The following ANKRD12 variants were observed in gnomAD, a reference collection of about 807,000 sequenced individuals.
The protein encoded by ANKRD12 is ankyrin repeat domain 12, also known as ankyrin repeat domain-containing protein 12.
ANKRD12 carries 85 observed loss-of-function variants against 183.4 expected under a neutral mutation model. The observed-to-expected ratio is 0.46, with a 90% CI of 0.39 to 0.56. The LOEUF (loss-of-function observed/expected upper bound fraction) is 0.56, where lower values mean the gene tolerates loss of function less well. Ranked by LOEUF, ANKRD12 falls within the 20% of genes least tolerant of loss-of-function variation. The pLI is 0.00. For missense variants in ANKRD12, 2,405 were observed against 2,357.1 expected, an observed-to-expected ratio of 1.02 and a Z score of -0.42; for synonymous variants, 914 against 800.2, an observed-to-expected ratio of 1.14 and a Z score of -2.40.
intron 8 of ANKRD12, among the ~76,000 whole-genome samples, chr18:9,226,152 G>A (rs867264859): frequency 3.3e-5 from 5 of 152,072 alleles, no homozygotes; most frequent in Admixed American, 6.5e-5. Flanking sequence ...GGCCGGGCAC[G>A]GTGGCTCACG....
At chr18:9,249,991 G>A (rs764357589) in intron 8 of ANKRD12, 1 of 152,148 alleles carries the variant, frequency 6.6e-6, no homozygotes, top group Non-Finnish European at 1.5e-5. Context: ...CTTAGTAGAT[G>A]GCCTTGGAAA....
chr18:9,205,345 C>CT (rs1331242156), intron 4 of ANKRD12, among the ~76,000 whole-genome samples: 2 of 151,702 alleles, frequency 1.3e-5, no homozygotes, highest in African/African-American at 4.8e-5. Flanking sequence ...CCCTGGGTGT[C>CT]TAAGTGTCTA....
At chr18:9,231,177 A>G (rs377554212) in intron 8 of ANKRD12, among the ~76,000 whole-genome samples, 25 of 152,324 alleles carry the variant, frequency 1.6e-4, no homozygotes, top group African/African-American at 5.8e-4. Context: ...GTGGCCTAAC[A>G]TGGTCAGTCA....
intron 8 of ANKRD12, among the ~76,000 whole-genome samples, chr18:9,240,338 A>T (rs980491186): frequency 6.6e-6 from 1 of 152,170 alleles, no homozygotes; most frequent in African/African-American, 2.4e-5. Flanking sequence ...CATTAGTCTA[A>T]GTCCATGTTA....
intron 10 of ANKRD12, among the ~76,000 whole-genome samples, chr18:9,268,868 A>C (rs2145380005): frequency 6.6e-6 from 1 of 152,308 alleles, no homozygotes; most frequent in African/African-American, 2.4e-5. Context: ...TATATCTAGA[A>C]AACCCCATCG....
Position 9,263,828 on chromosome 18 carries a change from G to A in ANKRD12, c.5703G>A (p.Glu1901=). The change falls in exon 10 of 13, where the codon GAG becomes GAA. Residue 1901 remains glutamate (E), a synonymous_variant. Transcript: ENST00000262126. ...PPPSLSDPLK[E]LFRQQEVVRM... is the part of the protein sequence containing the mutation. ...CTTCACTGTCAGATCCACTTAAAGAGCTTTTTCGACAACAGGAAGTTGTAA... is the reference window on the plus strand; with the variant it reads ...CTTCACTGTCAGATCCACTTAAAGAACTTTTTCGACAACAGGAAGTTGTAA... 1 of 1,571,462 alleles carries A rather than the reference G, an allele frequency of 6.4e-7. No homozygotes were observed. The highest frequency in any genetic ancestry group is 1.1e-5 in the South Asian group (1 of 87,440).
At chr18:9,169,768 G>A (rs1424408978) in intron 1 of ANKRD12, among the ~76,000 whole-genome samples, 1 of 152,150 alleles carries the variant, frequency 6.6e-6, no homozygotes, top group African/African-American at 2.4e-5. Flanking sequence ...ATGTTAGCTG[G>A]TTATTTTGCT....
Position 9,205,803 on chromosome 18 carries a change from TC to T in ANKRD12, c.304+1260del, listed in dbSNP as rs747807384. 5.9e-5 allele frequency among the ~76,000 whole-genome samples: 9 copies of T among 152,228 alleles called. No homozygotes were observed. In the East Asian group the frequency reaches 9.6e-4, roughly 16 times the overall value. Reference sequence around the variant, plus strand: ...AACAGGATTGACTTAATTATGTTCATCTATATTTGAGTTGTGATTCCATTGT... The same window carrying T: ...AACAGGATTGACTTAATTATGTTCATTATATTTGAGTTGTGATTCCATTGT... On this transcript the variant is annotated intron_variant, in intron 4 of 12. Coordinates refer to ENST00000262126, the MANE Select transcript of ANKRD12 (RefSeq NM_015208.5).
chr18:9,193,428 G>A (rs1324051108), intron 2 of ANKRD12, among the ~76,000 whole-genome samples: 1 of 152,032 alleles, frequency 6.6e-6, no homozygotes, highest in Non-Finnish European at 1.5e-5. Flanking sequence ...TTACAGGCAT[G>A]AGCCACCATG....
chr18:9,227,805 G>A (rs1452763291), intron 8 of ANKRD12, among the ~76,000 whole-genome samples: 1 of 152,064 alleles, frequency 6.6e-6, no homozygotes, highest in Admixed American at 6.5e-5. Context: ...TTATATGTTG[G>A]TATCATTTCA....
chr18:9,275,910 G>C (rs1438173356), intron 11 of ANKRD12, among the ~76,000 whole-genome samples: 1 of 152,208 alleles, frequency 6.6e-6, no homozygotes, highest in Non-Finnish European at 1.5e-5. Context: ...ATTTAGGATA[G>C]TGCCCTTACA....
At chr18:9,192,971 A>C (rs1040010367) in intron 2 of ANKRD12, among the ~76,000 whole-genome samples, 1 of 151,750 alleles carries the variant, frequency 6.6e-6, no homozygotes, top group Non-Finnish European at 1.5e-5. Flanking sequence ...GATTTTAGCC[A>C]CTGCACCCAG....
Position 9,257,110 on chromosome 18 carries a change from T to G in ANKRD12, c.3843T>G (p.Leu1281=), listed in dbSNP as rs748368837. The change falls in exon 9 of 13, where the codon CTT becomes CTG. Residue 1281 remains leucine (L), a synonymous_variant. Transcript: ENST00000262126. ...TTAAACCACCATATGCAAACAGACT[T>G]TCAACATCCCATCTTAGGTCATCTT... ...ERIKPPYANR[L]STSHLRSSSV... The G allele has an allele frequency of 1.2e-6, 2 of 1,614,116 alleles. No individual in the cohort carries two copies. Among genetic ancestry groups the G allele is most frequent in the South Asian group, 2.2e-5 (2 of 91,084 alleles).
At chr18:9,270,584 G>GCACACC (rs2039545903) in intron 10 of ANKRD12, among the ~76,000 whole-genome samples, 2 of 152,166 alleles carry the variant, frequency 1.3e-5, no homozygotes, top group East Asian at 3.9e-4. Flanking sequence ...ATGGACACAG[G>GCACACC]AAGGGGAATG....
At chr18:9,174,618 T>TC (rs2144051464) in intron 1 of ANKRD12, among the ~76,000 whole-genome samples, 1 of 152,314 alleles carries the variant, frequency 6.6e-6, no homozygotes, top group African/African-American at 2.4e-5. Context: ...TTCCTTTGGC[T>TC]CCCCAGTGCT....
At chr18:9,222,539 G>A (rs530255412) in intron 8 of ANKRD12, among the ~76,000 whole-genome samples, 11 of 149,818 alleles carry the variant, frequency 7.3e-5, no homozygotes, top group East Asian at 3.9e-4. Context: ...GAAGAAAGTC[G>A]TCTTTATATA....
chr18:9,275,494 T>G, intron 10 of ANKRD12, 30 bp from the exon 11 acceptor site: 2 of 1,589,904 alleles, frequency 1.3e-6, no homozygotes, highest in Non-Finnish European at 8.6e-7. Flanking sequence ...GTTGAAGAAT[T>G]TATTTTTTTT....
chr18:9,239,567 T>C, intron 8 of ANKRD12: 1 of 1,262,598 alleles, frequency 7.9e-7, no homozygotes. Context: ...GTAAGTATCA[T>C]ATAAAGATTT....
At chr18:9,171,361 T>C (rs1318319378) in intron 1 of ANKRD12, among the ~76,000 whole-genome samples, 1 of 152,206 alleles carries the variant, frequency 6.6e-6, no homozygotes, top group African/African-American at 2.4e-5. Flanking sequence ...AGCGTACTGA[T>C]GGGTCTTGAC....
Sources: allele counts gnomAD v4.1 joint callset (sites outside exome capture counted in the v4.1 genomes callset), GRCh38; gene constraint gnomAD v4.1.1; transcripts MANE v1.5; gene names NCBI Gene and HGNC (gene_info 2026-07-23, HGNC 2026-07-21).